The following CAPN8 variants were observed in gnomAD, a reference collection of about 807,000 sequenced individuals.
CAPN8 encodes the protein calpain-8.
A neutral mutation model predicts 80.9 loss-of-function variants in CAPN8; 87 were observed. That is an observed-to-expected ratio of 1.07 (90% confidence interval 0.90 to 1.28). CAPN8 has a LOEUF of 1.28. CAPN8 is among the 50% of genes most tolerant of loss of function. CAPN8 has a pLI of 0.00. For missense variants in CAPN8, 757 were observed against 702.0 expected, an observed-to-expected ratio of 1.08 and a Z score of -0.89; for synonymous variants, 299 against 273.8, an observed-to-expected ratio of 1.09 and a Z score of -0.91.
rs538916954 is a variant in CAPN8, at chr1:223,628,593, G to A, written c.426+69C>T. On this transcript the variant is annotated intron_variant, in intron 3 of 20. Transcript: ENST00000366872. ...GTGCCCCAAACCCAGAATTTCTGACGCAGTGGACCTGCAGTGAGCCCTAAG... is the reference window on the plus strand; with the variant it reads ...GTGCCCCAAACCCAGAATTTCTGACACAGTGGACCTGCAGTGAGCCCTAAG... 112 of 1,221,006 alleles carry A rather than the reference G, an allele frequency of 9.2e-5. No individual in the cohort carries two copies. In the Admixed American group the frequency reaches 1.1e-3, roughly 12 times the overall value. 75.6% of individuals were successfully genotyped at this position (1,221,006 alleles called of 1,614,324 possible).
intron 1 of CAPN8, among the ~76,000 whole-genome samples, chr1:223,662,977 C>T (rs1658689692): frequency 6.6e-6 from 1 of 152,160 alleles, no homozygotes; most frequent in African/African-American, 2.4e-5. Context: ...CCAAAAGCAG[C>T]TGTGTGATAA....
At chr1:223,642,610 G>A (rs1658074745) in intron 2 of CAPN8, 1 of 361,260 alleles carries the variant, frequency 2.8e-6, no homozygotes, top group South Asian at 2.2e-5. Flanking sequence ...GAGAGTTAAT[G>A]TACTTCAAAA....
In CAPN8 at chr1:223,620,077, C is replaced by T. The variant is rs1195565224; in HGVS notation, c.974+115G>A. ...GGACAAAAGGAGAAGAATGAATTCACCATGATCAGGAACCATGTCGCCTTC... is the reference window on the plus strand; with the variant it reads ...GGACAAAAGGAGAAGAATGAATTCATCATGATCAGGAACCATGTCGCCTTC... On this transcript the variant is annotated intron_variant, in intron 8 of 20. Transcript: ENST00000366872. 7.1e-6 allele frequency: 6 copies of T among 850,104 alleles called. No homozygotes were observed. The Admixed American group carries it at 1.3e-4, about 18-fold the overall frequency. 52.7% of individuals were successfully genotyped at this position (850,104 alleles called of 1,614,324 possible).
At chr1:223,629,437 G>T (rs537572258) in intron 2 of CAPN8, among the ~76,000 whole-genome samples, 3 of 152,282 alleles carry the variant, frequency 2.0e-5, no homozygotes, top group Admixed American at 2.0e-4. Context: ...CAAATCCTGG[G>T]TTTTGGTGTT....
intron 2 of CAPN8, among the ~76,000 whole-genome samples, chr1:223,637,595 C>A (rs1359738974): frequency 6.6e-6 from 1 of 152,090 alleles, no homozygotes; most frequent in African/African-American, 2.4e-5. Context: ...AGTAAATCTC[C>A]CCCATCTTGC....
chr1:223,619,412 T>A lies in CAPN8; in HGVS notation c.1016A>T (p.Glu339Val). The stretch of plus-strand genomic sequence containing the variant: ...AGAGTCCGGGGACAGGTTGCAGATC[T>A]CCAACCGAGAGAACTGCCTCACGAA... ...SDFVRQFSRL[E>V]ICNLSPDSLS... Residue 339 changes from glutamate (E) to valine (V), a missense_variant, in exon 9 of 21, where the codon GAG (glutamate) becomes GTG (valine). Transcript: ENST00000366872. 6.4e-7 allele frequency: 1 copy of A among 1,551,580 alleles called. No homozygotes were observed. Among genetic ancestry groups the A allele is most frequent in the Non-Finnish European group, 8.7e-7 (1 of 1,146,990 alleles).
intron 2 of CAPN8, among the ~76,000 whole-genome samples, chr1:223,637,906 C>T (rs1210792131): frequency 6.6e-6 from 1 of 152,172 alleles, no homozygotes; most frequent in Non-Finnish European, 1.5e-5. Context: ...GTTTTCTAAT[C>T]TGTAAAATGA....
intron 13 of CAPN8, among the ~76,000 whole-genome samples, chr1:223,555,507 T>A (rs1421798404): frequency 1.3e-5 from 2 of 152,230 alleles, no homozygotes; most frequent in Non-Finnish European, 2.9e-5. Context: ...AAACACATCA[T>A]ATCTCATCAC....
chr1:223,619,508 GGCACGCATACTGA>G lies in CAPN8; in HGVS notation c.975-68_975-56del. On this transcript the variant is annotated intron_variant, in intron 8 of 20. Coordinates refer to ENST00000366872, the MANE Select transcript of CAPN8 (RefSeq NM_001143962.2). The stretch of plus-strand genomic sequence containing the variant: ...TGAAGAGGGCTGGGTTGTGATTAAA[GGCACGCATACTGA>G]GCACGGGAAGGAGCCCTGTGGCACA... 4 of 1,542,922 alleles carry G rather than the reference GGCACGCATACTGA, an allele frequency of 2.6e-6. No individual in the cohort carries two copies. In the South Asian group the frequency reaches 4.8e-5, roughly 18 times the overall value.
In CAPN8 at chr1:223,628,857, T is replaced by C. The variant is rs1039916076; in HGVS notation, c.308-77A>G. ...CCTGCTTTCTCTGACCCTGTCCCAT[T>C]CAACCCAGAGTCCACGTTGCCACAT... On this transcript the variant is annotated intron_variant, in intron 2 of 20. Coordinates refer to ENST00000366872, the MANE Select transcript of CAPN8 (RefSeq NM_001143962.2). The C allele has an allele frequency of 1.0e-5, 12 of 1,203,676 alleles. No homozygotes were observed. In the African/African-American group the frequency reaches 1.8e-4, roughly 18 times the overall value. The allele number at this position is 1,203,676 out of a possible 1,614,324, so 74.6% of individuals were successfully genotyped here.
At chr1:223,631,648 GTTC>G (rs1206222557) in intron 2 of CAPN8, among the ~76,000 whole-genome samples, 1 of 152,204 alleles carries the variant, frequency 6.6e-6, no homozygotes, top group Non-Finnish European at 1.5e-5. Flanking sequence ...ATCATATTTT[GTTC>G]TTCTGCAAAT....
chr1:223,623,789 A>C (rs1451808958), intron 6 of CAPN8, among the ~76,000 whole-genome samples: 3 of 152,120 alleles, frequency 2.0e-5, no homozygotes, highest in Non-Finnish European at 4.4e-5. Context: ...AGGTCAGGAG[A>C]TCAAGACCAT....
intron 2 of CAPN8, among the ~76,000 whole-genome samples, chr1:223,652,290 C>A (rs373190972): frequency 1.6e-3 from 247 of 151,858 alleles, no homozygotes; most frequent in African/African-American, 5.9e-3. Flanking sequence ...TGCAGTGAGC[C>A]GATATCGGGC....
At chr1:223,665,307 G>T (rs1658756296) in intron 1 of CAPN8, 103 bp downstream of exon 1, 1 of 876,880 alleles carries the variant, frequency 1.1e-6, no homozygotes, top group Non-Finnish European at 1.7e-6. Context: ...ATGAGATCCA[G>T]ACACTTAGGG....
intron 9 of CAPN8, chr1:223,617,116 T>C (rs1657214020): frequency 6.6e-6 from 1 of 152,098 alleles, no homozygotes; most frequent in Non-Finnish European, 1.5e-5. Flanking sequence ...AAAAAAGAAG[T>C]GGAAGGGCAT....
intron 1 of CAPN8, among the ~76,000 whole-genome samples, chr1:223,662,316 G>A (rs1157712949): frequency 6.6e-6 from 1 of 152,048 alleles, no homozygotes; most frequent in Non-Finnish European, 1.5e-5. Context: ...AGGCTTGGTG[G>A]CAGGTGCCTG....
At chr1:223,654,842 A>ATTTTTTTTTTTTT (rs35365292) in intron 1 of CAPN8, among the ~76,000 whole-genome samples, 12 of 111,734 alleles carry the variant, frequency 1.1e-4, no homozygotes, top group African/African-American at 1.8e-4. Context: ...CACCCGGCTA[A>ATTTTTTTTTTTTT]TTTTTTTTTT....
Position 223,665,477 on chromosome 1 carries a change from G to C in CAPN8, c.170C>G (p.Ala57Gly). ...TGGTCCAAGATCCTTGTAGCCCAAA[G>C]CTGATGGACATGCTGGGAACTCAGG... is the stretch of plus-strand genomic sequence containing the variant. ...KDPEFPACPS[A>G]LGYKDLGPGS... Residue 57 changes from alanine (A) to glycine (G), a missense_variant, in exon 1 of 21, where the codon GCT becomes GGT. Ala to Gly is a moderately conservative substitution (Grantham distance 60, BLOSUM62 0). Coordinates refer to ENST00000366872, the MANE Select transcript of CAPN8 (RefSeq NM_001143962.2). The C allele has an allele frequency of 6.4e-7, 1 of 1,552,008 alleles. No individual in the cohort carries two copies. Among genetic ancestry groups the C allele is most frequent in the Middle Eastern group, 1.7e-4 (1 of 5,996 alleles).
intron 2 of CAPN8, among the ~76,000 whole-genome samples, chr1:223,643,839 T>C (rs1257723951): frequency 6.6e-6 from 1 of 152,170 alleles, no homozygotes; most frequent in African/African-American, 2.4e-5. Context: ...TGATGTAGAC[T>C]GAAGACGGTA....
Sources: allele counts gnomAD v4.1 joint callset (sites outside exome capture counted in the v4.1 genomes callset), GRCh38; gene constraint gnomAD v4.1.1; transcripts MANE v1.5; gene names NCBI Gene and HGNC (gene_info 2026-07-23, HGNC 2026-07-21).